Variants in RAP1GAP2 observed in about 807,000 individuals in gnomAD.
The protein encoded by RAP1GAP2 is RAP1 GTPase activating protein 2.
A neutral mutation model predicts 95.0 loss-of-function variants in RAP1GAP2; 27 were observed. That is an observed-to-expected ratio of 0.28 (90% CI 0.21 to 0.39). The LOEUF (loss-of-function observed/expected upper bound fraction) is 0.39, where lower values mean the gene tolerates loss of function less well. Ranked by LOEUF, RAP1GAP2 falls within the 10% of genes least tolerant of loss-of-function variation. The pLI, the probability that RAP1GAP2 is intolerant of heterozygous loss-of-function variation, is 1.00. For synonymous variants in RAP1GAP2, 373 were observed against 380.9 expected, an observed-to-expected ratio of 0.98 and a Z score of 0.24; for missense variants, 771 against 970.0, an observed-to-expected ratio of 0.79 and a Z score of 2.72.
Position 3,005,800 on chromosome 17 carries a change from G to A in RAP1GAP2, c.1273-155G>A, listed in dbSNP as rs567686228. On this transcript the variant is annotated intron_variant, in intron 15 of 24. Coordinates refer to ENST00000254695, the MANE Select transcript of RAP1GAP2 (RefSeq NM_015085.5). The surrounding 1 kb of genome is among the most constrained non-coding windows in gnomAD (Gnocchi z 5.2). ...GGTTTCCTTGTTGGGATATTTGCAA[G>A]TGGGCTTGGCCTGGGCTAGAAATGA... is the stretch of plus-strand genomic sequence containing the variant. Among the ~76,000 whole-genome samples, 1 of 152,308 alleles carries A rather than the reference G, an allele frequency of 6.6e-6. No homozygotes were observed. The highest frequency in any genetic ancestry group is 1.5e-5 in the Non-Finnish European group (1 of 68,034).
chr17:3,005,366 C>G lies in RAP1GAP2; in HGVS notation c.1201-3C>G. The G allele has an allele frequency of 6.2e-7, 1 of 1,613,588 alleles. No homozygotes were observed. The highest frequency in any genetic ancestry group is 2.2e-5 in the East Asian group (1 of 44,864). Reference sequence around the variant, plus strand: ...GTCCGTACCATGACTCTGTTTCACTCAGGTCTCTGTCACTGCGCGGGAAGA... The same window carrying G: ...GTCCGTACCATGACTCTGTTTCACTGAGGTCTCTGTCACTGCGCGGGAAGA... On this transcript the variant is annotated splice_polypyrimidine_tract_variant and splice_region_variant and intron_variant, in intron 14 of 24. Coordinates refer to ENST00000254695, the MANE Select transcript of RAP1GAP2 (RefSeq NM_015085.5). The surrounding 1 kb of genome is among the most constrained non-coding windows in gnomAD (Gnocchi z 5.2).
intron 2 of RAP1GAP2, among the ~76,000 whole-genome samples, chr17:2,862,304 C>T (rs990152451): frequency 5.3e-5 from 8 of 152,160 alleles, no homozygotes. Context: ...AATTAGTGGA[C>T]AGTCGCCATT....
At chr17:2,936,468 A>G (rs2043314496) in intron 3 of RAP1GAP2, among the ~76,000 whole-genome samples, 1 of 150,528 alleles carries the variant, frequency 6.6e-6, no homozygotes, top group Admixed American at 6.6e-5. Flanking sequence ...AAACGCACTC[A>G]CCTTCTTCCT....
chr17:3,018,241 A>G, intron 18 of RAP1GAP2, 43 bp downstream of exon 18: 1 of 1,528,552 alleles, frequency 6.5e-7, no homozygotes, highest in Non-Finnish European at 8.8e-7. Context: ...GGTCCCAGGG[A>G]GGCCCCCCCC....
rs147153901 is a variant in RAP1GAP2, at chr17:2,815,575, C to T, written c.80+15025C>T. On this transcript the variant is annotated intron_variant, in intron 2 of 24. Coordinates refer to ENST00000254695, the MANE Select transcript of RAP1GAP2 (RefSeq NM_015085.5). ...CAGCTCACTGCAACCTCCACCTCCCCGGTTCAAGCGATTCTCCTGTCTCAG... is the reference window on the plus strand; with the variant it reads ...CAGCTCACTGCAACCTCCACCTCCCTGGTTCAAGCGATTCTCCTGTCTCAG... Among the ~76,000 whole-genome samples the T allele has an allele frequency of 4.7e-3, 713 of 151,792 alleles. 4 individuals are homozygous for T. The highest frequency in any genetic ancestry group is 0.016 in the African/African-American group (664 of 41,394).
chr17:2,921,742 C>T (rs189866536), intron 3 of RAP1GAP2, among the ~76,000 whole-genome samples: 21 of 151,982 alleles, frequency 1.4e-4, no homozygotes, highest in East Asian at 9.7e-4. Flanking sequence ...TCAGCAGGAC[C>T]GTTAAGGTGT....
intron 1 of RAP1GAP2, among the ~76,000 whole-genome samples, chr17:2,764,855 C>T (rs1277972823): frequency 6.6e-6 from 1 of 152,168 alleles, no homozygotes; most frequent in Non-Finnish European, 1.5e-5. Context: ...CACTAATCTC[C>T]CTCCTCGGAG....
chr17:2,960,123 C>CAAAAAAAAAAAAAAAAAAA (rs71153316), intron 4 of RAP1GAP2, among the ~76,000 whole-genome samples: 3 of 80,988 alleles, frequency 3.7e-5, no homozygotes, highest in East Asian at 3.3e-4. Flanking sequence ...GACTCCATCT[C>CAAAAAAAAAAAAAAAAAAA]AAAAAAAAAA....
chr17:3,011,637 G>A (rs993414624), intron 17 of RAP1GAP2, among the ~76,000 whole-genome samples: 1 of 137,054 alleles, frequency 7.3e-6, no homozygotes, highest in African/African-American at 2.7e-5. Context: ...TTTTGAGATG[G>A]AGTTTTGCTC....
In RAP1GAP2 at chr17:2,872,213, C is replaced by CAAAAAAAAAAAA. The variant is rs562587177; in HGVS notation, c.81-33061_81-33050dup. On this transcript the variant is annotated intron_variant, in intron 2 of 24. Coordinates refer to ENST00000254695, the MANE Select transcript of RAP1GAP2 (RefSeq NM_015085.5). Reference sequence around the variant, plus strand: ...TGGATGACAGAATGAGCCTCTGTCTCAAAAAAAAAAAAAAAAAAAAAGGTG... The same window carrying CAAAAAAAAAAAA: ...TGGATGACAGAATGAGCCTCTGTCTCAAAAAAAAAAAAAAAAAAAAAAAAAAAAAAAAAGGTG... Among the ~76,000 whole-genome samples, 7 of 75,642 alleles carry CAAAAAAAAAAAA rather than the reference C, an allele frequency of 9.3e-5. 2 individuals carry two copies. The highest frequency in any genetic ancestry group is 1.7e-4 in the Non-Finnish European group (7 of 41,260). The allele number at this position is 75,642 out of a possible 152,430, so 49.6% of individuals were successfully genotyped here.
At chr17:2,758,172 C>CT (rs1491245809) in intron 1 of RAP1GAP2, among the ~76,000 whole-genome samples, 2 of 75,092 alleles carry the variant, frequency 2.7e-5, no homozygotes, top group African/African-American at 6.3e-5. Context: ...CCTGGCCACG[C>CT]CCCCCCCCCT....
At chr17:2,923,728 T>C (rs918323295) in intron 3 of RAP1GAP2, among the ~76,000 whole-genome samples, 2 of 152,126 alleles carry the variant, frequency 1.3e-5, no homozygotes, top group African/African-American at 4.8e-5. Flanking sequence ...TAAAATGATA[T>C]ATGCATATTA....
chr17:3,001,916 G>A (rs1380390658), intron 14 of RAP1GAP2, among the ~76,000 whole-genome samples: 4 of 151,008 alleles, frequency 2.6e-5, no homozygotes, highest in African/African-American at 9.7e-5. Context: ...CCAAAAAAGC[G>A]CCACCCCACC....
At chr17:2,791,630 G>A (rs1317860448), upstream of RAP1GAP2, among the ~76,000 whole-genome samples, 2 of 152,110 alleles carry the variant, frequency 1.3e-5, no homozygotes, top group Non-Finnish European at 2.9e-5. Flanking sequence ...GGATAACAGG[G>A]CACCCTCTCA....
At chr17:2,961,595 T>TA (rs1263508634) in intron 4 of RAP1GAP2, among the ~76,000 whole-genome samples, 1 of 152,230 alleles carries the variant, frequency 6.6e-6, no homozygotes, top group Non-Finnish European at 1.5e-5. Context: ...TACCTGTAGA[T>TA]AAACTCCCTT....
intron 2 of RAP1GAP2, among the ~76,000 whole-genome samples, chr17:2,865,181 G>A (rs1055975447): frequency 6.6e-5 from 10 of 152,084 alleles, no homozygotes; most frequent in African/African-American, 1.2e-4. Context: ...TAACACCCCC[G>A]TGCTACAGTC....
chr17:2,978,866 C>T (rs1197741617), intron 8 of RAP1GAP2, among the ~76,000 whole-genome samples: 3 of 151,830 alleles, frequency 2.0e-5, no homozygotes, highest in African/African-American at 4.8e-5. Flanking sequence ...AACCGGGAGG[C>T]GGAGGTTGTA....
At chr17:2,795,523 G>A (rs1166595109), upstream of RAP1GAP2, among the ~76,000 whole-genome samples, 1 of 152,038 alleles carries the variant, frequency 6.6e-6, no homozygotes, top group African/African-American at 2.4e-5. Context: ...CATGGGTACC[G>A]CCCCCCCACC....
intron 13 of RAP1GAP2, among the ~76,000 whole-genome samples, chr17:2,997,652 G>A (rs1162471990): frequency 6.6e-6 from 1 of 152,022 alleles, no homozygotes; most frequent in Admixed American, 6.6e-5. Context: ...TTGAAAGAAG[G>A]TTGGGCACAG....
Sources: gnomAD v4.1 joint callset for allele counts (sites outside exome capture counted in the v4.1 genomes callset) on GRCh38, gnomAD v4.1.1 for gene constraint, Gnocchi (gnomAD v3.1) non-coding constraint, MANE v1.5 for transcripts, NCBI Gene and HGNC (gene_info 2026-07-23, HGNC 2026-07-21) for gene names.